The following INTS9 variants were observed in gnomAD, a reference collection of about 807,000 sequenced individuals.
INTS9 encodes the protein integrator complex subunit 9, also known as protein related to CPSF subunits of 74 kDa.
Under a neutral mutation model 79.7 loss-of-function variants are expected in INTS9, and 55 were observed. The ratio of observed to expected loss-of-function variants is 0.69; its 90% CI spans 0.56 to 0.86. The LOEUF (loss-of-function observed/expected upper bound fraction) is 0.86. Among genes scored for constraint, INTS9 ranks in the 40% least tolerant of loss-of-function variants. INTS9 has a pLI of 0.00. For missense variants in INTS9, 721 were observed against 831.5 expected, an observed-to-expected ratio of 0.87 and a Z score of 1.64; for synonymous variants, 319 against 325.2, an observed-to-expected ratio of 0.98 and a Z score of 0.20.
At chr8:28,795,798 A>G (rs1804184362) in intron 9 of INTS9, among the ~76,000 whole-genome samples, 1 of 152,208 alleles carries the variant, frequency 6.6e-6, no homozygotes, top group Non-Finnish European at 1.5e-5. Flanking sequence ...AATTGTGAGA[A>G]GTTAATGTCT....
intron 7 of INTS9, among the ~76,000 whole-genome samples, chr8:28,812,729 C>T (rs192532347): frequency 9.9e-5 from 15 of 152,276 alleles, no homozygotes; most frequent in Admixed American, 9.8e-4. Context: ...TGGCACATGC[C>T]TGTAGTCCTC....
At chr8:28,788,743 T>C (rs1002925528) in intron 10 of INTS9, among the ~76,000 whole-genome samples, 20 of 152,192 alleles carry the variant, frequency 1.3e-4, no homozygotes, top group Non-Finnish European at 5.9e-5. Context: ...AACAGCAGCA[T>C]TGGTAACTCC....
In INTS9 at chr8:28,846,797, A is replaced by G. The variant is rs1028348907; in HGVS notation, c.211T>C (p.Cys71Arg). Reference sequence around the variant, plus strand: ...GAATCCACAAATACATGACCCGAGCACTCCTTTAGCTCCTAAAAGAAATGA... The same window carrying G: ...GAATCCACAAATACATGACCCGAGCGCTCCTTTAGCTCCTAAAAGAAATGA... The part of the protein sequence containing the change: ...NAFLDKELKE[C>R]SGHVFVDSVP... Residue 71 changes from cysteine to arginine, a missense_variant, in exon 4 of 17, where the codon TGC (cysteine) becomes CGC (arginine). Transcript: ENST00000521022. 4.3e-6 allele frequency: 7 copies of G among 1,613,214 alleles called. No homozygotes were observed. Among genetic ancestry groups the G allele is most frequent in the African/African-American group, 1.3e-5 (1 of 75,018 alleles).
intron 11 of INTS9, among the ~76,000 whole-genome samples, chr8:28,783,196 C>T (rs1216405200): frequency 6.7e-6 from 1 of 150,232 alleles, no homozygotes; most frequent in East Asian, 2.0e-4. Context: ...AGCCTCAAAG[C>T]TTTCTTTCAA....
At chr8:28,826,349 C>T (rs912458220) in intron 6 of INTS9, among the ~76,000 whole-genome samples, 1 of 152,298 alleles carries the variant, frequency 6.6e-6, no homozygotes. Flanking sequence ...CAATTATCAA[C>T]GTGTCCCGTC....
intron 4 of INTS9, among the ~76,000 whole-genome samples, chr8:28,844,286 T>C (rs186393080): frequency 2.6e-5 from 4 of 152,362 alleles, no homozygotes; most frequent in Non-Finnish European, 4.4e-5. Flanking sequence ...GGTTCAAACC[T>C]GTTCTTCCAG....
intron 6 of INTS9, among the ~76,000 whole-genome samples, chr8:28,834,784 C>T (rs1166897966): frequency 6.6e-6 from 1 of 151,320 alleles, no homozygotes; most frequent in African/African-American, 2.4e-5. Flanking sequence ...TCAAGCAATT[C>T]TCCTGCCTCA....
chr8:28,858,662 C>T (rs745562045), intron 2 of INTS9, among the ~76,000 whole-genome samples: 8 of 152,120 alleles, frequency 5.3e-5, no homozygotes, highest in South Asian at 2.1e-4. Flanking sequence ...GATGGTTCAT[C>T]GGGTTATCAC....
At chr8:28,770,820 C>T (rs879600875) in intron 15 of INTS9, among the ~76,000 whole-genome samples, 162 bp downstream of exon 15, 4 of 152,240 alleles carry the variant, frequency 2.6e-5, no homozygotes, top group African/African-American at 7.2e-5. Context: ...GGATGACGTG[C>T]GGCCTCATCT....
intron 1 of INTS9, among the ~76,000 whole-genome samples, chr8:28,883,560 T>C (rs1057351609): frequency 1.3e-5 from 2 of 152,204 alleles, no homozygotes; most frequent in African/African-American, 4.8e-5. Flanking sequence ...TCTGTTAAAA[T>C]TTTCAGAAAG....
In INTS9 at chr8:28,813,628, A is replaced by G. The variant is rs1289813143; in HGVS notation, c.489-16T>C. The G allele has an allele frequency of 4.3e-6, 7 of 1,611,900 alleles. No homozygotes were observed. The highest frequency in any genetic ancestry group is 5.9e-6 in the Non-Finnish European group (7 of 1,179,302). On this transcript the variant is annotated splice_polypyrimidine_tract_variant and intron_variant, in intron 6 of 16. Transcript: ENST00000521022. The stretch of plus-strand genomic sequence containing the variant: ...AGGTAACAGCCTGCAAATGGATCAC[A>G]ATGTCAACTACCAGGTGAACATTTC...
At chr8:28,887,934 T>C (rs1487414343) in intron 1 of INTS9, among the ~76,000 whole-genome samples, 19 of 152,202 alleles carry the variant, frequency 1.2e-4, no homozygotes. Context: ...CTAAAATATA[T>C]GTAAAGTAAA....
At chr8:28,792,679 C>T (rs1004540323) in intron 10 of INTS9, among the ~76,000 whole-genome samples, 4 of 151,864 alleles carry the variant, frequency 2.6e-5, no homozygotes, top group East Asian at 3.9e-4. Context: ...TTTGGGAGGC[C>T]GAGGCGGGTG....
At chr8:28,875,472 C>T (rs1037361003) in intron 1 of INTS9, among the ~76,000 whole-genome samples, 13 of 152,112 alleles carry the variant, frequency 8.5e-5, no homozygotes, top group South Asian at 6.2e-4. Context: ...TGTGATTCTC[C>T]CATTGGCATT....
chr8:28,880,193 T>C (rs1809627457), intron 1 of INTS9, among the ~76,000 whole-genome samples: 1 of 152,170 alleles, frequency 6.6e-6, no homozygotes, highest in Non-Finnish European at 1.5e-5. Context: ...ATGCTTGCCT[T>C]TATTTTAATG....
chr8:28,831,679 C>T (rs1806494732), intron 6 of INTS9, among the ~76,000 whole-genome samples: 1 of 152,058 alleles, frequency 6.6e-6, no homozygotes. Flanking sequence ...TAAGACTTGA[C>T]CCAAGATTTG....
chr8:28,781,274 A>G (rs1055358305), intron 11 of INTS9, among the ~76,000 whole-genome samples: 3 of 152,224 alleles, frequency 2.0e-5, no homozygotes, highest in African/African-American at 7.2e-5. Flanking sequence ...GCAAATGAGC[A>G]TACGAAAAAA....
chr8:28,796,286 G>T (rs1804211506), intron 9 of INTS9, among the ~76,000 whole-genome samples: 2 of 152,212 alleles, frequency 1.3e-5, no homozygotes, highest in South Asian at 4.2e-4. Context: ...CTCAAGCCTG[G>T]GTGACAGAGA....
intron 6 of INTS9, among the ~76,000 whole-genome samples, chr8:28,819,493 T>C (rs1354034146): frequency 6.6e-6 from 1 of 152,240 alleles, no homozygotes. Context: ...TGAGTTCTAG[T>C]TTGATTGCAC....
Sources: allele counts gnomAD v4.1 joint callset (sites outside exome capture counted in the v4.1 genomes callset), GRCh38; gene constraint gnomAD v4.1.1; transcripts MANE v1.5; gene names NCBI Gene and HGNC (gene_info 2026-07-23, HGNC 2026-07-21).